Variants in HYLS1 observed in about 807,000 individuals in gnomAD.
HYLS1 encodes centriolar and ciliogenesis-associated protein HYLS1.
In HYLS1, 25 loss-of-function variants were observed where a neutral mutation model predicts 29.4. The ratio of observed to expected loss-of-function variants is 0.85; its 90% CI spans 0.62 to 1.19. The LOEUF is 1.19. HYLS1 is among the 50% of genes most tolerant of loss of function. The pLI, the probability that HYLS1 is intolerant of heterozygous loss-of-function variation, is 0.00. For synonymous variants in HYLS1, 128 were observed against 126.7 expected (o/e 1.01, Z -0.07); for missense variants, 352 against 365.1 (o/e 0.96, Z 0.29).
upstream of HYLS1, among the ~76,000 whole-genome samples, chr11:125,885,879 T>C (rs1459088874): frequency 6.6e-6 from 1 of 152,170 alleles, no homozygotes; most frequent in African/African-American, 2.4e-5. Flanking sequence ...CTAGGTTGCA[T>C]GCTCCTTATG....
Position 125,900,228 on chromosome 11 carries a change from T to A in HYLS1, c.860T>A (p.Val287Asp). ...GTTCGTTGTGACCTTGCAAATGGTG[T>A]CATACCCAGGAAGCTTCCCTTCCCT... ...WGVRCDLANG[V>D]IPRKLPFPLS... Residue 287 changes from valine to aspartate, a missense_variant, in exon 3 of 3, where the codon GTC becomes GAC. Transcript: ENST00000425380. The A allele has an allele frequency of 6.2e-7, 1 of 1,614,232 alleles. No individual in the cohort carries two copies. Among genetic ancestry groups the A allele is most frequent in the Non-Finnish European group, 8.5e-7 (1 of 1,180,042 alleles).
Position 125,896,230 on chromosome 11 carries a change from G to A in HYLS1, c.-25-3114G>A, listed in dbSNP as rs747920338. ...CTTTGCACCTCTTGCTCCAGTTCTCGTACTCTTTTTAGGAGCTTCTCAGTC... is the reference window on the plus strand; with the variant it reads ...CTTTGCACCTCTTGCTCCAGTTCTCATACTCTTTTTAGGAGCTTCTCAGTC... On this transcript the variant is annotated intron_variant, in intron 2 of 2. Transcript: ENST00000425380. The A allele has an allele frequency of 1.1e-5, 17 of 1,613,676 alleles. No individual in the cohort carries two copies. Among genetic ancestry groups the A allele is most frequent in the East Asian group, 6.7e-5 (3 of 44,890 alleles).
intron 2 of HYLS1, chr11:125,896,388 T>C (rs1331656101): frequency 1.8e-6 from 2 of 1,122,120 alleles, no homozygotes; most frequent in Non-Finnish European, 1.3e-6. Context: ...GATGATGTTC[T>C]AATGGTATAT....
At chr11:125,895,271 A>T in intron 2 of HYLS1, 1 of 1,608,780 alleles carries the variant, frequency 6.2e-7, no homozygotes, top group South Asian at 1.1e-5. Flanking sequence ...GCAGCTCATC[A>T]ATAATCTCTG....
rs909994832 is a variant in HYLS1 at position 125,895,935 on chromosome 11, G to C, written c.-25-3409G>C. 5.0e-6 allele frequency: 8 copies of C among 1,613,508 alleles called. No homozygotes were observed. The African/African-American group carries it at 1.1e-4, about 22-fold the overall frequency. On this transcript the variant is annotated intron_variant, in intron 2 of 2. Transcript: ENST00000425380. Reference sequence around the variant, plus strand: ...TCCAAAGGCACTAACTCCTTTATCTGTTCTCCCACATCGGTGATAGTTGGA... The same window carrying C: ...TCCAAAGGCACTAACTCCTTTATCTCTTCTCCCACATCGGTGATAGTTGGA...
upstream of HYLS1, among the ~76,000 whole-genome samples, chr11:125,885,114 T>C (rs1229688749): frequency 6.6e-6 from 1 of 152,208 alleles, no homozygotes. Context: ...AGCTGCTATG[T>C]ATTAAACGTT....
intron 2 of HYLS1, chr11:125,893,773 A>G: frequency 6.3e-7 from 1 of 1,583,490 alleles, no homozygotes; most frequent in East Asian, 2.3e-5. Flanking sequence ...GATCCTGGCA[A>G]ATTGTCTATG....
intron 2 of HYLS1, chr11:125,893,929 T>C: frequency 6.2e-7 from 1 of 1,614,168 alleles, no homozygotes; most frequent in Non-Finnish European, 8.5e-7. Context: ...GCTCAATTCG[T>C]CCCCTACGTA....
intron 2 of HYLS1, chr11:125,894,287 C>A: frequency 6.3e-7 from 1 of 1,589,104 alleles, no homozygotes; most frequent in Non-Finnish European, 8.6e-7. Context: ...TACAGCCATA[C>A]TAGAGAAAAA....
At chr11:125,886,906 G>C (rs753555323), upstream of HYLS1, among the ~76,000 whole-genome samples, 8 of 102,578 alleles carry the variant, frequency 7.8e-5, no homozygotes, top group African/African-American at 2.7e-4. Flanking sequence ...GCAACAAGAG[G>C]GAAACTCCGT....
intron 2 of HYLS1, chr11:125,895,550 A>T (rs780100387): frequency 1.9e-6 from 3 of 1,614,214 alleles, no homozygotes; most frequent in Non-Finnish European, 2.5e-6. Context: ...CCATGGTTAC[A>T]ATATCTAAAT....
At chr11:125,892,295 TGTG>T (rs1235123238) in intron 2 of HYLS1, among the ~76,000 whole-genome samples, 1 of 152,222 alleles carries the variant, frequency 6.6e-6, no homozygotes, top group Non-Finnish European at 1.5e-5. Context: ...AAATTCCAAA[TGTG>T]GTGAACACTC....
At chr11:125,888,626 G>T (rs888744843) in intron 1 of HYLS1, among the ~76,000 whole-genome samples, 1 of 151,934 alleles carries the variant, frequency 6.6e-6, no homozygotes, top group African/African-American at 2.4e-5. Flanking sequence ...AAAATTGGCC[G>T]GGCTTGGTGG....
At chr11:125,890,262 C>T (rs948689849) in intron 1 of HYLS1, among the ~76,000 whole-genome samples, 3 of 150,918 alleles carry the variant, frequency 2.0e-5, no homozygotes, top group Non-Finnish European at 4.4e-5. Context: ...AGTTATTATT[C>T]GTTTGGTACG....
chr11:125,893,291 G>A (rs148177516), intron 2 of HYLS1, among the ~76,000 whole-genome samples: 1 of 152,124 alleles, frequency 6.6e-6, no homozygotes, highest in African/African-American at 2.4e-5. Context: ...TGTAAGATAA[G>A]GTACTGTGCT....
chr11:125,895,962 G>A (rs1565453944), intron 2 of HYLS1: 1 of 1,614,112 alleles, frequency 6.2e-7, no homozygotes, highest in East Asian at 2.2e-5. Flanking sequence ...ATAGTTGGAT[G>A]TCTGTCTGCT....
At chr11:125,893,708 C>T (rs1207755124) in intron 2 of HYLS1, 3 of 1,217,456 alleles carry the variant, frequency 2.5e-6, no homozygotes, top group Admixed American at 2.7e-5. Context: ...CTAGTACTTG[C>T]AAGTAAATTT....
At chr11:125,885,776 TTACTGC>T (rs1944295608), upstream of HYLS1, among the ~76,000 whole-genome samples, 4 of 152,256 alleles carry the variant, frequency 2.6e-5, no homozygotes, top group Non-Finnish European at 5.9e-5. Context: ...CCATCTGGCA[TTACTGC>T]CTGAGCTCTG....
intron 2 of HYLS1, among the ~76,000 whole-genome samples, chr11:125,896,646 C>G (rs7129502): frequency 0.16 from 23,735 of 152,214 alleles, 2,234 homozygotes; most frequent in Admixed American, 0.26. Context: ...ACTGATGTTA[C>G]AGATTTTTTT....
Sources: allele counts gnomAD v4.1 joint callset (sites outside exome capture counted in the v4.1 genomes callset), GRCh38; gene constraint gnomAD v4.1.1; transcripts MANE v1.5; gene names NCBI Gene and HGNC (gene_info 2026-07-23, HGNC 2026-07-21).